Variants in MED13L observed in about 807,000 individuals in gnomAD.
MED13L encodes the protein mediator of RNA polymerase II transcription subunit 13-like.
In MED13L, 7 loss-of-function variants were observed where a neutral mutation model predicts 220.9. The observed-to-expected ratio is 0.03, with a 90% CI of 0.02 to 0.06. MED13L has a LOEUF of 0.06. Among genes scored for constraint, MED13L ranks in the 10% least tolerant of loss-of-function variants. The pLI is 1.00. For missense variants in MED13L, 1,965 were observed against 2,760.5 expected, an observed-to-expected ratio of 0.71 and a Z score of 6.46; for synonymous variants, 1,011 against 1,015.2, an observed-to-expected ratio of 1.00 and a Z score of 0.08.
At chr12:116,260,960 G>A (rs560787818) in intron 1 of MED13L, among the ~76,000 whole-genome samples, 1 of 152,224 alleles carries the variant, frequency 6.6e-6, no homozygotes, top group African/African-American at 2.4e-5. Context: ...ACTGCTGTTA[G>A]GTTACCCTTC....
At chr12:116,104,342 C>T (rs1873366400) in intron 3 of MED13L, among the ~76,000 whole-genome samples, 1 of 152,110 alleles carries the variant, frequency 6.6e-6, no homozygotes, top group Non-Finnish European at 1.5e-5. Context: ...TCTATTGCAT[C>T]ACCTCTATTA....
chr12:115,961,115 G>A lies in MED13L; in HGVS notation c.*151C>T, dbSNP rs1007887577. ...CTCTGGTAATGAACACTGCAGAATT[G>A]ACATGTGCCTGCTGAGAAGGAATCA... On this transcript the variant is annotated 3_prime_UTR_variant, in exon 31 of 31. Coordinates refer to ENST00000281928, the MANE Select transcript of MED13L (RefSeq NM_015335.5). 9.8e-7 allele frequency: 1 copy of A among 1,017,178 alleles called. No individual in the cohort carries two copies. The allele number at this position is 1,017,178 out of a possible 1,614,324, so 63.0% of individuals were successfully genotyped here. A position where few individuals can be genotyped will look rare whatever the true frequency, so the allele number is the denominator to read the frequency against.
chr12:116,058,248 T>C (rs1368318653), intron 4 of MED13L, among the ~76,000 whole-genome samples: 5 of 152,198 alleles, frequency 3.3e-5, no homozygotes, highest in Admixed American at 6.5e-5. Context: ...AGGTTTGCCA[T>C]TCCTTTTAAG....
chr12:116,272,760 T>C (rs967734967), intron 1 of MED13L, among the ~76,000 whole-genome samples: 3 of 152,210 alleles, frequency 2.0e-5, no homozygotes, highest in African/African-American at 7.2e-5. Context: ...TTATTGTCTC[T>C]TTAAAATTAT....
At chr12:116,025,785 G>C (rs1242677497) in intron 4 of MED13L, among the ~76,000 whole-genome samples, 1 of 152,174 alleles carries the variant, frequency 6.6e-6, no homozygotes, top group Non-Finnish European at 1.5e-5. Flanking sequence ...ATAAGTTCTA[G>C]TATTCTATTG....
At chr12:116,266,491 G>A (rs554071350) in intron 1 of MED13L, among the ~76,000 whole-genome samples, 4 of 152,136 alleles carry the variant, frequency 2.6e-5, no homozygotes, top group Non-Finnish European at 5.9e-5. Context: ...TCCTCTCCTT[G>A]GCCTAGAAGA....
chr12:115,987,748 T>C (rs1877794535), intron 17 of MED13L, among the ~76,000 whole-genome samples: 1 of 152,162 alleles, frequency 6.6e-6, no homozygotes, highest in Non-Finnish European at 1.5e-5. Context: ...TGTAAAAATA[T>C]TTTCACAAAA....
At chr12:116,225,340 A>C (rs1303568696) in intron 2 of MED13L, among the ~76,000 whole-genome samples, 1 of 152,118 alleles carries the variant, frequency 6.6e-6, no homozygotes, top group Non-Finnish European at 1.5e-5. Flanking sequence ...CTAGTTAATA[A>C]AGCCTTTACC....
chr12:116,180,573 T>C (rs1056576704), intron 2 of MED13L, among the ~76,000 whole-genome samples: 1 of 152,098 alleles, frequency 6.6e-6, no homozygotes, highest in African/African-American at 2.4e-5. Flanking sequence ...GCGTTTCAAA[T>C]AGGGGACACT....
chr12:116,029,822 T>C (rs1472221840), intron 4 of MED13L, among the ~76,000 whole-genome samples: 2 of 152,176 alleles, frequency 1.3e-5, no homozygotes, highest in Non-Finnish European at 1.5e-5. Context: ...GTGTATACCA[T>C]GGCTTTCCAC....
intron 29 of MED13L, among the ~76,000 whole-genome samples, chr12:115,965,511 A>T (rs1876091953): frequency 6.6e-6 from 1 of 152,194 alleles, no homozygotes; most frequent in Non-Finnish European, 1.5e-5. Flanking sequence ...ATTTTTGCCA[A>T]TCTGTGGGCA....
At position 115,991,257 on chromosome 12, in the gene MED13L, G is replaced by A; in HGVS notation, c.3697C>T (p.His1233Tyr). 3.1e-6 allele frequency: 5 copies of A among 1,614,194 alleles called. No homozygotes were observed. The highest frequency in any genetic ancestry group is 4.2e-6 in the Non-Finnish European group (5 of 1,180,022). ...TTCAGTGAAGCAAAAGGTTGTGTGTGTTGATTCTGGAGGAGGAGGAGAAGG... is the reference window on the plus strand; with the variant it reads ...TTCAGTGAAGCAAAAGGTTGTGTGTATTGATTCTGGAGGAGGAGGAGAAGG... The part of the protein sequence containing the change: ...ISLLLLLQNQ[H>Y]TQPFASLNFL... The change falls in exon 17 of 31, where the codon CAC becomes TAC. Residue 1233 changes from histidine (H) to tyrosine (Y), a missense_variant. Coordinates refer to ENST00000281928, the MANE Select transcript of MED13L (RefSeq NM_015335.5). The surrounding 1 kb of genome is among the most constrained non-coding windows in gnomAD (Gnocchi z 7.7).
In MED13L at chr12:116,003,043, A is replaced by G; in HGVS notation, c.2529T>C (p.Pro843=). 1 of 1,614,164 alleles carries G rather than the reference A, an allele frequency of 6.2e-7. No individual in the cohort carries two copies. The stretch of plus-strand genomic sequence containing the variant: ...CAGCAGCTCTTCCATCCTTCCCAAG[A>G]GGTCGGTCTTCTGTCCCAACTGCAG... ...KMPAVGTEDR[P]LGKDGRAAVP... The change falls in exon 14 of 31, where the codon CCT becomes CCC. Residue 843 remains proline (P), a synonymous_variant. Coordinates refer to ENST00000281928, the MANE Select transcript of MED13L (RefSeq NM_015335.5).
chr12:116,070,347 TAGG>T (rs1354539841), intron 4 of MED13L, among the ~76,000 whole-genome samples: 1 of 152,204 alleles, frequency 6.6e-6, no homozygotes, highest in Non-Finnish European at 1.5e-5. Flanking sequence ...TCAAGGTTGT[TAGG>T]AGGATTAAAT....
chr12:116,030,157 G>A (rs1490876298), intron 4 of MED13L, among the ~76,000 whole-genome samples: 1 of 152,006 alleles, frequency 6.6e-6, no homozygotes, highest in Non-Finnish European at 1.5e-5. Context: ...TCGTAGAGAC[G>A]GGGATTCACC....
chr12:116,075,910 ATT>A (rs774757433), intron 4 of MED13L, among the ~76,000 whole-genome samples: 114 of 134,206 alleles, frequency 8.5e-4, no homozygotes, highest in East Asian at 4.0e-3. Context: ...GAGCCAGAAG[ATT>A]TTTTTTTTTT....
At chr12:116,236,791 T>C (rs1565942734) in intron 2 of MED13L, 17 of 941,936 alleles carry the variant, frequency 1.8e-5, no homozygotes, top group Non-Finnish European at 2.0e-5. Flanking sequence ...GGTAAATATA[T>C]AAAGCAGCAC....
At chr12:116,085,657 T>G (rs950895502) in intron 4 of MED13L, among the ~76,000 whole-genome samples, 4 of 151,956 alleles carry the variant, frequency 2.6e-5, no homozygotes, top group Admixed American at 2.0e-4. Context: ...AAATAAATGA[T>G]TTTATATTAA....
At chr12:116,157,655 A>G (rs12312596) in intron 2 of MED13L, among the ~76,000 whole-genome samples, 38,420 of 152,196 alleles carry the variant, frequency 0.25, 5,015 homozygotes, top group South Asian at 0.33. Context: ...TCTGTTGAAT[A>G]GTGAAGTTGT....
Sources: gnomAD v4.1 joint callset for allele counts (sites outside exome capture counted in the v4.1 genomes callset) on GRCh38, gnomAD v4.1.1 for gene constraint, Gnocchi (gnomAD v3.1) non-coding constraint, MANE v1.5 for transcripts, NCBI Gene and HGNC (gene_info 2026-07-23, HGNC 2026-07-21) for gene names.